MICU1: variants seen among roughly 807,000 people sequenced by gnomAD.
MICU1 encodes the protein mitochondrial calcium uptake 1, also known as calcium uptake protein 1, mitochondrial.
MICU1 carries 45 observed loss-of-function variants against 56.8 expected under a neutral mutation model. The ratio of observed to expected loss-of-function variants is 0.79; its 90% CI spans 0.62 to 1.02. The LOEUF is 1.02. MICU1 is among the 50% of genes least tolerant of loss of function. The probability of loss-of-function intolerance (pLI) is 0.00; values close to 1 mark genes in which losing one functional copy is unlikely to be tolerated. For missense variants in MICU1, 504 were observed against 587.1 expected, an observed-to-expected ratio of 0.86 and a Z score of 1.46; for synonymous variants, 186 against 195.1, an observed-to-expected ratio of 0.95 and a Z score of 0.39.
chr10:72,509,833 G>A (rs1867384568), intron 5 of MICU1, among the ~76,000 whole-genome samples: 1 of 152,008 alleles, frequency 6.6e-6, no homozygotes, highest in Non-Finnish European at 1.5e-5. Context: ...TACTGGATGA[G>A]AACTAGAACA....
intron 8 of MICU1, among the ~76,000 whole-genome samples, chr10:72,431,136 C>T (rs1327051653): frequency 6.7e-6 from 1 of 149,096 alleles, no homozygotes; most frequent in African/African-American, 2.4e-5. Flanking sequence ...ATCTATCTAT[C>T]TATCTATTTT....
At chr10:72,495,717 G>T (rs7902569) in intron 6 of MICU1, among the ~76,000 whole-genome samples, 97,224 of 149,466 alleles carry the variant, frequency 0.65, 32,698 homozygotes, top group African/African-American at 0.77. Flanking sequence ...AGATTTTTGT[G>T]ACTTAACCTA....
intron 8 of MICU1, among the ~76,000 whole-genome samples, chr10:72,452,251 A>T (rs946039918): frequency 6.6e-6 from 1 of 152,176 alleles, no homozygotes; most frequent in Non-Finnish European, 1.5e-5. Flanking sequence ...CTGGGAGGCA[A>T]TAACAAGCCC....
intron 5 of MICU1, among the ~76,000 whole-genome samples, chr10:72,510,819 G>C (rs949879584): frequency 7.2e-5 from 11 of 152,166 alleles, no homozygotes; most frequent in Middle Eastern, 3.4e-3. Flanking sequence ...TTTTAGTAGA[G>C]ACGGGTTTTG....
chr10:72,555,101 C>T (rs933315413), intron 3 of MICU1, among the ~76,000 whole-genome samples: 1 of 152,004 alleles, frequency 6.6e-6, no homozygotes, highest in Non-Finnish European at 1.5e-5. Flanking sequence ...AAACTAGACT[C>T]GTGAGGAAGA....
chr10:72,460,111 T>C (rs1865598411), intron 8 of MICU1, among the ~76,000 whole-genome samples: 1 of 152,236 alleles, frequency 6.6e-6, no homozygotes, highest in Non-Finnish European at 1.5e-5. Context: ...TCTCACTTTA[T>C]ACCTTTCAAT....
At chr10:72,579,209 C>A (rs530532035) in intron 1 of MICU1, among the ~76,000 whole-genome samples, 1 of 152,116 alleles carries the variant, frequency 6.6e-6, no homozygotes, top group East Asian at 1.9e-4. Context: ...GACAATACAC[C>A]TTATACTGGG....
At chr10:72,411,474 C>T (rs1863812545) in intron 9 of MICU1, among the ~76,000 whole-genome samples, 1 of 151,958 alleles carries the variant, frequency 6.6e-6, no homozygotes, top group African/African-American at 2.4e-5. Flanking sequence ...ACTACAGGCG[C>T]CCACCACTGC....
At chr10:72,399,788 C>G (rs1863390936) in intron 10 of MICU1, among the ~76,000 whole-genome samples, 1 of 151,836 alleles carries the variant, frequency 6.6e-6, no homozygotes, top group South Asian at 2.1e-4. Context: ...CATGGTAAAA[C>G]CCCATCTCTA....
At chr10:72,503,641 A>ATGT (rs1867148288) in intron 6 of MICU1, among the ~76,000 whole-genome samples, 1 of 152,196 alleles carries the variant, frequency 6.6e-6, no homozygotes, top group African/African-American at 2.4e-5. Context: ...AAAAAATAAA[A>ATGT]GGCATCCAAA....
At chr10:72,467,527 C>T (rs947996333) in intron 8 of MICU1, among the ~76,000 whole-genome samples, 4 of 151,936 alleles carry the variant, frequency 2.6e-5, no homozygotes, top group Non-Finnish European at 5.9e-5. Context: ...GCCATGTTGG[C>T]CAGGCTGGTT....
At position 72,488,390 on chromosome 10, in the gene MICU1, T is replaced by C. The variant is rs139735189; in HGVS notation, c.653-11134A>G. Among the ~76,000 whole-genome samples, 363 of 152,252 alleles carry C rather than the reference T, an allele frequency of 2.4e-3. 2 individuals are homozygous for C. The highest frequency in any genetic ancestry group is 7.2e-3 in the African/African-American group (299 of 41,568). ...AAACTAAGATTTACCATATGCTTAA[T>C]TGAAAAATGCCAGACACATTTATTT... On this transcript the variant is annotated intron_variant, in intron 6 of 11. Transcript: ENST00000361114.
At chr10:72,417,580 T>C (rs1423771821) in intron 9 of MICU1, among the ~76,000 whole-genome samples, 2 of 152,200 alleles carry the variant, frequency 1.3e-5, no homozygotes, top group East Asian at 3.8e-4. Context: ...TTCAATTTCA[T>C]CCTTAAGAAG....
intron 1 of MICU1, among the ~76,000 whole-genome samples, chr10:72,591,627 A>G (rs1160608636): frequency 6.6e-6 from 1 of 152,172 alleles, no homozygotes; most frequent in Non-Finnish European, 1.5e-5. Context: ...AAACCTAGAT[A>G]AGATGGACCA....
At chr10:72,456,850 T>TGTGTGC (rs1865476439) in intron 8 of MICU1, among the ~76,000 whole-genome samples, 1 of 1,802 alleles carries the variant, frequency 5.5e-4, no homozygotes, top group African/African-American at 3.4e-3. Flanking sequence ...GGGCTCATTT[T>TGTGTGC]GTGTGTGTGT....
intron 5 of MICU1, among the ~76,000 whole-genome samples, chr10:72,514,161 T>C (rs1046932163): frequency 6.6e-6 from 1 of 152,172 alleles, no homozygotes; most frequent in Non-Finnish European, 1.5e-5. Flanking sequence ...TCAGCTCTTG[T>C]ACTTTTCAGT....
chr10:72,454,163 C>T (rs1381395546), intron 8 of MICU1, among the ~76,000 whole-genome samples: 1 of 152,030 alleles, frequency 6.6e-6, no homozygotes, highest in Non-Finnish European at 1.5e-5. Flanking sequence ...ATTTAAAAAG[C>T]AGTCATGCTG....
chr10:72,567,153 G>A (rs1043819121), intron 1 of MICU1, among the ~76,000 whole-genome samples: 4 of 151,888 alleles, frequency 2.6e-5, no homozygotes, highest in African/African-American at 4.8e-5. Context: ...GTTGAAGAAC[G>A]GCCTGGACAA....
intron 8 of MICU1, among the ~76,000 whole-genome samples, chr10:72,467,276 C>T (rs1025660749): frequency 1.3e-5 from 2 of 152,190 alleles, no homozygotes; most frequent in South Asian, 2.1e-4. Context: ...TTCCGCCTCC[C>T]GGGCTCAAGC....
Sources: gnomAD v4.1 joint callset for allele counts (sites outside exome capture counted in the v4.1 genomes callset) on GRCh38, gnomAD v4.1.1 for gene constraint, MANE v1.5 for transcripts, NCBI Gene and HGNC (gene_info 2026-07-23, HGNC 2026-07-21) for gene names.